The following EFNA5 variants were observed in gnomAD, a reference collection of about 807,000 sequenced individuals.
The protein encoded by EFNA5 is ephrin A5, also known as ephrin-A5.
A neutral mutation model predicts 22.9 loss-of-function variants in EFNA5; 5 were observed. That is an observed-to-expected ratio of 0.22 (90% confidence interval 0.11 to 0.46). EFNA5 has a LOEUF of 0.46. Among genes scored for constraint, EFNA5 ranks in the 20% least tolerant of loss-of-function variants. The pLI, the probability that EFNA5 is intolerant of heterozygous loss-of-function variation, is 0.99. For missense variants in EFNA5, 237 were observed against 293.3 expected, an observed-to-expected ratio of 0.81 and a Z score of 1.40; for synonymous variants, 113 against 112.2, an observed-to-expected ratio of 1.01 and a Z score of -0.04.
At chr5:107,408,121 T>C (rs974702047) in intron 2 of EFNA5, among the ~76,000 whole-genome samples, 1 of 152,102 alleles carries the variant, frequency 6.6e-6, no homozygotes, top group East Asian at 1.9e-4. Context: ...TACACATGTA[T>C]GACTTAAGGC....
rs370466153 is a variant in EFNA5 at position 107,575,638 on chromosome 5, T to C, written c.125+94851A>G. Among the ~76,000 whole-genome samples the C allele has an allele frequency of 3.0e-3, 454 of 152,280 alleles. 2 individuals carry two copies. The highest frequency in any genetic ancestry group is 0.011 in the African/African-American group (440 of 41,552). ...ATCCTGAAAACTATAAAATAATCTA[T>C]TGTAGACCTACTGAGCTCAATGAAA... On this transcript the variant is annotated intron_variant, in intron 1 of 4. Coordinates refer to ENST00000333274, the MANE Select transcript of EFNA5 (RefSeq NM_001962.3).
At chr5:107,515,795 C>G (rs1747461864) in intron 1 of EFNA5, among the ~76,000 whole-genome samples, 1 of 152,310 alleles carries the variant, frequency 6.6e-6, no homozygotes, top group Admixed American at 6.5e-5. Context: ...TCTTCCTACT[C>G]ATGCTCACGC....
chr5:107,575,381 ACATAC>A (rs900670732), intron 1 of EFNA5, among the ~76,000 whole-genome samples: 1 of 152,240 alleles, frequency 6.6e-6, no homozygotes, highest in African/African-American at 2.4e-5. Context: ...TCATCAGGAC[ACATAC>A]CATGTATCCC....
Position 107,670,755 on chromosome 5 carries a change from AG to A in EFNA5, c.-143del. 8.3e-7 allele frequency: 1 copy of A among 1,208,956 alleles called. No individual in the cohort carries two copies. Among genetic ancestry groups the A allele is most frequent in the South Asian group, 1.4e-5 (1 of 69,334 alleles). The allele number at this position is 1,208,956 out of a possible 1,614,324, so 74.9% of individuals were successfully genotyped here. On this transcript the variant is annotated 5_prime_UTR_variant, in exon 1 of 5. Coordinates refer to ENST00000333274, the MANE Select transcript of EFNA5 (RefSeq NM_001962.3). ...AAATAAAAATGAAAGTGGGCGAGAA[AG>A]GAAAGAGGCGCCCACCAAGCTGGGG... is the stretch of plus-strand genomic sequence containing the variant.
chr5:107,548,995 A>G (rs1398432024), intron 1 of EFNA5, among the ~76,000 whole-genome samples: 1 of 152,190 alleles, frequency 6.6e-6, no homozygotes, highest in Non-Finnish European at 1.5e-5. Flanking sequence ...CATTTTTGCA[A>G]TTACAATTGT....
chr5:107,498,969 T>TATGTATGTATGC (rs1178629827), intron 1 of EFNA5, among the ~76,000 whole-genome samples: 1 of 151,926 alleles, frequency 6.6e-6, no homozygotes, highest in Non-Finnish European at 1.5e-5. Context: ...TGTATGTATG[T>TATGTATGTATGC]ATGTATGTAT....
At chr5:107,453,132 T>C (rs1205421765) in intron 1 of EFNA5, among the ~76,000 whole-genome samples, 2 of 152,136 alleles carry the variant, frequency 1.3e-5, no homozygotes, top group Admixed American at 6.5e-5. Flanking sequence ...TACATAAACA[T>C]ATATTTTATT....
chr5:107,643,589 A>C (rs1349602601), intron 1 of EFNA5, among the ~76,000 whole-genome samples: 1 of 152,090 alleles, frequency 6.6e-6, no homozygotes, highest in East Asian at 1.9e-4. Context: ...TTCAAGCATC[A>C]GGGCTTATTA....
intron 2 of EFNA5, among the ~76,000 whole-genome samples, chr5:107,423,301 C>A (rs939946343): frequency 2.6e-5 from 4 of 152,006 alleles, no homozygotes; most frequent in African/African-American, 9.6e-5. Flanking sequence ...TCCCTTTACC[C>A]CTTCTGATGT....
intron 1 of EFNA5, among the ~76,000 whole-genome samples, chr5:107,531,860 C>T (rs1463898938): frequency 6.6e-6 from 1 of 152,192 alleles, no homozygotes; most frequent in Non-Finnish European, 1.5e-5. Context: ...ACAATTTCTG[C>T]TGCTGGCTGC....
Position 107,379,272 on chromosome 5 carries a change from A to G in EFNA5, c.*1983T>C, listed in dbSNP as rs1413455487. 1.3e-5 allele frequency: 2 copies of G among 152,158 alleles called. No individual in the cohort carries two copies. The highest frequency in any genetic ancestry group is 2.9e-5 in the Non-Finnish European group (2 of 68,030). 9.4% of individuals were successfully genotyped at this position (152,158 alleles called of 1,614,324 possible). On this transcript the variant is annotated 3_prime_UTR_variant, in exon 5 of 5. Coordinates refer to ENST00000333274, the MANE Select transcript of EFNA5 (RefSeq NM_001962.3). The stretch of plus-strand genomic sequence containing the variant: ...AGGTAAGCCCAGATTACATTTCAAC[A>G]TGTGTACAACTCTCCAGGGCACAAT...
chr5:107,591,018 C>T (rs17160233), intron 1 of EFNA5, among the ~76,000 whole-genome samples: 3,120 of 151,900 alleles, frequency 0.021, 115 homozygotes, highest in African/African-American at 0.072. Flanking sequence ...TTACTACCAT[C>T]TGTTGTTTCA....
intron 1 of EFNA5, among the ~76,000 whole-genome samples, chr5:107,603,920 AC>A (rs1368902822): frequency 6.6e-6 from 1 of 152,178 alleles, no homozygotes; most frequent in African/African-American, 2.4e-5. Context: ...AGAGACAATG[AC>A]CTTTCAAAGC....
intron 1 of EFNA5, among the ~76,000 whole-genome samples, chr5:107,617,070 C>T (rs1224860998): frequency 6.6e-6 from 1 of 152,056 alleles, no homozygotes; most frequent in Non-Finnish European, 1.5e-5. Flanking sequence ...AATCTAAAGG[C>T]TTTTGCCCAC....
intron 1 of EFNA5, among the ~76,000 whole-genome samples, chr5:107,472,629 G>C (rs975604635): frequency 6.6e-6 from 1 of 152,210 alleles, no homozygotes; most frequent in Non-Finnish European, 1.5e-5. Context: ...CAGGTGATGG[G>C]ATAGTGCCTC....
chr5:107,616,922 C>T (rs1749929100), intron 1 of EFNA5, among the ~76,000 whole-genome samples: 1 of 152,034 alleles, frequency 6.6e-6, no homozygotes, highest in Admixed American at 6.6e-5. Flanking sequence ...TCATTTTCTT[C>T]CAGGAGCCAA....
intron 1 of EFNA5, among the ~76,000 whole-genome samples, chr5:107,668,372 G>C (rs1287775361): frequency 6.6e-6 from 1 of 152,148 alleles, no homozygotes; most frequent in African/African-American, 2.4e-5. Context: ...CATGACCTGT[G>C]ACAAAAATCA....
chr5:107,535,167 G>C (rs941091202), intron 1 of EFNA5, among the ~76,000 whole-genome samples: 2 of 152,072 alleles, frequency 1.3e-5, no homozygotes, highest in South Asian at 2.1e-4. Flanking sequence ...ATTCAACAGC[G>C]GTGGGTACCT....
intron 1 of EFNA5, among the ~76,000 whole-genome samples, chr5:107,566,413 G>C (rs1425383088): frequency 6.6e-6 from 1 of 152,154 alleles, no homozygotes; most frequent in Non-Finnish European, 1.5e-5. Context: ...TGCCAGGAAA[G>C]TTCAAACGTA....
Sources: allele counts gnomAD v4.1 joint callset (sites outside exome capture counted in the v4.1 genomes callset), GRCh38; gene constraint gnomAD v4.1.1; transcripts MANE v1.5; gene names NCBI Gene and HGNC (gene_info 2026-07-23, HGNC 2026-07-21).